The following AHCYL2 variants were observed in gnomAD, a reference collection of about 807,000 sequenced individuals.
AHCYL2 encodes S-adenosylhomocysteine hydrolase-like protein 2.
Under a neutral mutation model 81.4 loss-of-function variants are expected in AHCYL2, and 28 were observed. That is an observed-to-expected ratio of 0.34 (90% CI 0.25 to 0.47). The LOEUF is 0.47. Among genes scored for constraint, AHCYL2 ranks in the 20% least tolerant of loss-of-function variants. The pLI, the probability that AHCYL2 is intolerant of heterozygous loss-of-function variation, is 1.00. For missense variants in AHCYL2, 551 were observed against 785.1 expected (o/e 0.70, Z 3.56); for synonymous variants, 272 against 290.2 (o/e 0.94, Z 0.64).
At chr7:129,238,432 C>CT (rs1330252559) in intron 1 of AHCYL2, among the ~76,000 whole-genome samples, 1 of 152,064 alleles carries the variant, frequency 6.6e-6, no homozygotes, top group Admixed American at 6.5e-5. Context: ...TTGTGAGCTT[C>CT]TTTTTTGCAA....
At chr7:129,423,470 T>C (rs1797211547) in intron 13 of AHCYL2, among the ~76,000 whole-genome samples, 2 of 152,218 alleles carry the variant, frequency 1.3e-5, no homozygotes, top group African/African-American at 4.8e-5. Flanking sequence ...TAGCTCACAT[T>C]GACACTATTG....
chr7:129,261,797 G>A (rs913587171), intron 1 of AHCYL2, among the ~76,000 whole-genome samples: 4 of 152,116 alleles, frequency 2.6e-5, no homozygotes, highest in Admixed American at 2.6e-4. Context: ...ATCTTAGGCT[G>A]TAATTTATCT....
intron 1 of AHCYL2, among the ~76,000 whole-genome samples, chr7:129,262,932 G>A (rs918617077): frequency 6.6e-6 from 1 of 152,104 alleles, no homozygotes; most frequent in African/African-American, 2.4e-5. Context: ...CAGGATGGTT[G>A]GAATACGGAA....
At chr7:129,358,066 G>A (rs1393902180) in intron 1 of AHCYL2, among the ~76,000 whole-genome samples, 1 of 151,970 alleles carries the variant, frequency 6.6e-6, no homozygotes, top group Non-Finnish European at 1.5e-5. Context: ...TAAACAAAAT[G>A]TGGCATAGAC....
chr7:129,284,831 T>G (rs1796571669), intron 1 of AHCYL2, among the ~76,000 whole-genome samples: 1 of 152,160 alleles, frequency 6.6e-6, no homozygotes, highest in Non-Finnish European at 1.5e-5. Flanking sequence ...GAAAAATGTC[T>G]TAAGAAATTG....
intron 1 of AHCYL2, among the ~76,000 whole-genome samples, chr7:129,350,714 C>CTTTTTTTTTTT (rs56115169): frequency 4.1e-5 from 5 of 122,140 alleles, no homozygotes; most frequent in Non-Finnish European, 5.1e-5. Context: ...TTCTTTCTTT[C>CTTTTTTTTTTT]TTTTTTTTTT....
chr7:129,262,356 T>C (rs953225096), intron 1 of AHCYL2, among the ~76,000 whole-genome samples: 2 of 152,228 alleles, frequency 1.3e-5, no homozygotes, highest in African/African-American at 4.8e-5. Context: ...AACATGTACA[T>C]GCACAGTTGA....
intron 1 of AHCYL2, among the ~76,000 whole-genome samples, chr7:129,306,226 T>C (rs2150769472): frequency 6.6e-6 from 1 of 152,330 alleles, no homozygotes; most frequent in South Asian, 2.1e-4. Context: ...ACTCTTATAT[T>C]TGCCCTTTTG....
chr7:129,347,461 T>A (rs529823620), intron 1 of AHCYL2, among the ~76,000 whole-genome samples: 5 of 152,302 alleles, frequency 3.3e-5, no homozygotes, highest in Admixed American at 6.5e-5. Flanking sequence ...CGTCTATTTT[T>A]AAAAACAGAA....
intron 1 of AHCYL2, among the ~76,000 whole-genome samples, chr7:129,285,892 G>T (rs925745120): frequency 6.6e-6 from 1 of 151,814 alleles, no homozygotes; most frequent in Non-Finnish European, 1.5e-5. Flanking sequence ...TGTATTTTGT[G>T]TAGAGGCAGG....
chr7:129,389,429 A>G (rs1795361785), intron 3 of AHCYL2, among the ~76,000 whole-genome samples: 1 of 151,986 alleles, frequency 6.6e-6, no homozygotes, highest in African/African-American at 2.4e-5. Flanking sequence ...AAGGACTGGA[A>G]TATAGAGAAT....
At chr7:129,340,846 G>A (rs957339085) in intron 1 of AHCYL2, among the ~76,000 whole-genome samples, 1 of 152,046 alleles carries the variant, frequency 6.6e-6, no homozygotes, top group East Asian at 1.9e-4. Flanking sequence ...AATCACTCTT[G>A]AATACTTTGG....
At chr7:129,405,733 G>A in intron 8 of AHCYL2, 103 bp from the exon 9 acceptor site, 2 of 1,116,730 alleles carry the variant, frequency 1.8e-6, no homozygotes, top group South Asian at 1.9e-5. Context: ...CTTTCAAAAT[G>A]AAAAACCAAC....
chr7:129,229,223 A>G (rs1011918982), intron 1 of AHCYL2, among the ~76,000 whole-genome samples: 2 of 152,156 alleles, frequency 1.3e-5, no homozygotes, highest in Non-Finnish European at 2.9e-5. Context: ...ATGCACCACC[A>G]TGCCCGGCTA....
chr7:129,343,910 T>C (rs1793273044), intron 1 of AHCYL2, among the ~76,000 whole-genome samples: 2 of 152,162 alleles, frequency 1.3e-5, no homozygotes, highest in Admixed American at 6.5e-5. Flanking sequence ...AAATGACTGG[T>C]ATTTAGAATT....
chr7:129,234,523 G>A (rs186613676), intron 1 of AHCYL2, among the ~76,000 whole-genome samples: 6 of 152,186 alleles, frequency 3.9e-5, no homozygotes, highest in Non-Finnish European at 1.5e-5. Context: ...GATTACAGGC[G>A]CGAGCCCACA....
intron 1 of AHCYL2, among the ~76,000 whole-genome samples, chr7:129,369,113 T>C (rs1450440913): frequency 2.0e-5 from 3 of 152,202 alleles, no homozygotes; most frequent in Non-Finnish European, 2.9e-5. Flanking sequence ...TTCTTCAGAA[T>C]ACCATGTTTG....
chr7:129,308,966 C>T (rs1797539973), intron 1 of AHCYL2, among the ~76,000 whole-genome samples: 1 of 152,196 alleles, frequency 6.6e-6, no homozygotes, highest in Admixed American at 6.5e-5. Flanking sequence ...CACAGTGGCT[C>T]ATGTCTGTAA....
At chr7:129,277,541 A>G (rs1251485672) in intron 1 of AHCYL2, among the ~76,000 whole-genome samples, 2 of 152,094 alleles carry the variant, frequency 1.3e-5, no homozygotes, top group Non-Finnish European at 2.9e-5. Flanking sequence ...CGGCCTCCCA[A>G]AGTGCTAGGA....
Sources: allele counts gnomAD v4.1 joint callset (sites outside exome capture counted in the v4.1 genomes callset), GRCh38; gene constraint gnomAD v4.1.1; transcripts MANE v1.5; gene names NCBI Gene and HGNC (gene_info 2026-07-23, HGNC 2026-07-21).